The following HSF5 variants were observed in gnomAD, a reference collection of about 807,000 sequenced individuals.
The protein encoded by HSF5 is heat shock factor protein 5.
HSF5 carries 5 observed loss-of-function variants against 50.8 expected under a neutral mutation model. The observed-to-expected ratio is 0.10, with a 90% CI of 0.05 to 0.21. The LOEUF (loss-of-function observed/expected upper bound fraction) is 0.21. HSF5 is among the 10% of genes least tolerant of loss of function. The pLI, the probability that HSF5 is intolerant of heterozygous loss-of-function variation, is 1.00. For missense variants in HSF5, 564 were observed against 762.6 expected, an observed-to-expected ratio of 0.74 and a Z score of 3.07; for synonymous variants, 307 against 307.4, an observed-to-expected ratio of 1.00 and a Z score of 0.02.
rs1975079421 is a variant in HSF5, at chr17:58,480,273, T to G, written c.551-6A>C. 6.3e-7 allele frequency: 1 copy of G among 1,590,158 alleles called. No homozygotes were observed. The highest frequency in any genetic ancestry group is 1.8e-5 in the Admixed American group (1 of 56,322). On this transcript the variant is annotated splice_polypyrimidine_tract_variant and splice_region_variant and intron_variant, in intron 1 of 5. Coordinates refer to ENST00000323777, the MANE Select transcript of HSF5 (RefSeq NM_001080439.3). ...TTGTCCTACAGCCACTGGTCCTACA[T>G]AAAAGAGGAAGAGCACATTTACTAA... is the stretch of plus-strand genomic sequence containing the variant.
chr17:58,436,818 A>G (rs1048095134), intron 5 of HSF5, among the ~76,000 whole-genome samples: 1 of 151,942 alleles, frequency 6.6e-6, no homozygotes, highest in Non-Finnish European at 1.5e-5. Flanking sequence ...CTGGGGAAAG[A>G]GCAGAAAAAA....
chr17:58,479,384 C>A (rs1975069020), intron 2 of HSF5, among the ~76,000 whole-genome samples: 1 of 152,100 alleles, frequency 6.6e-6, no homozygotes, highest in African/African-American at 2.4e-5. Flanking sequence ...CTTACTGCAA[C>A]CTCTGCCTCC....
At chr17:58,460,584 G>A (rs1483784306) in intron 4 of HSF5, among the ~76,000 whole-genome samples, 4 of 149,070 alleles carry the variant, frequency 2.7e-5, no homozygotes, top group East Asian at 2.0e-4. Flanking sequence ...ATCTCAGCTC[G>A]CCACAAGCTC....
In HSF5 at chr17:58,444,676, G is replaced by A. The variant is rs115205245; in HGVS notation, c.1720+14092C>T. On this transcript the variant is annotated intron_variant, in intron 5 of 5. Transcript: ENST00000323777. ...ACTTCACGACACTGGACTTGGCAAT[G>A]CTTTCCTGGATATGACACACAAAGC... 8.1e-3 allele frequency among the ~76,000 whole-genome samples: 1,240 copies of A among 152,250 alleles called. 12 individuals are homozygous for A. Among genetic ancestry groups the A allele is most frequent in the African/African-American group, 0.028 (1,172 of 41,520 alleles).
chr17:58,470,168 A>G (rs1974924218), intron 2 of HSF5, among the ~76,000 whole-genome samples: 1 of 152,218 alleles, frequency 6.6e-6, no homozygotes. Flanking sequence ...AGGTCTTCTG[A>G]GTTTATACCC....
rs1974232219 is a variant in HSF5 at position 58,421,800 on chromosome 17, G to A, written c.*560C>T. 6.6e-6 allele frequency: 1 copy of A among 152,656 alleles called. No homozygotes were observed. Among genetic ancestry groups the A allele is most frequent in the Non-Finnish European group, 1.5e-5 (1 of 68,082 alleles). 9.5% of individuals were successfully genotyped at this position (152,656 alleles called of 1,614,324 possible). ...TTAAAACAGAATGCTGGGTTAGGAAGTAAGAGAATTTCCTGGTTAATCACT... is the reference window on the plus strand; with the variant it reads ...TTAAAACAGAATGCTGGGTTAGGAAATAAGAGAATTTCCTGGTTAATCACT... On this transcript the variant is annotated 3_prime_UTR_variant, in exon 6 of 6. Transcript: ENST00000323777.
intron 5 of HSF5, among the ~76,000 whole-genome samples, chr17:58,425,780 C>A (rs928217691): frequency 6.6e-6 from 1 of 152,090 alleles, no homozygotes; most frequent in Admixed American, 6.5e-5. Flanking sequence ...TAGTAGATAA[C>A]TAGGAGGAAG....
Position 58,425,597 on chromosome 17 carries a change from A to T in HSF5, c.1721-3167T>A, listed in dbSNP as rs1032445729. On this transcript the variant is annotated intron_variant, in intron 5 of 5. Transcript: ENST00000323777. The stretch of plus-strand genomic sequence containing the variant: ...TCTCAAAAAAAAAAAAAAAAAAAAA[A>T]AAAAACAGGTTAAAATGGTAACTTT... Among the ~76,000 whole-genome samples, 3 of 150,948 alleles carry T rather than the reference A, an allele frequency of 2.0e-5. No homozygotes were observed. In the East Asian group the frequency reaches 5.8e-4, roughly 29 times the overall value.
chr17:58,446,789 G>A (rs1226854053), intron 5 of HSF5, among the ~76,000 whole-genome samples: 1 of 147,606 alleles, frequency 6.8e-6, no homozygotes, highest in Non-Finnish European at 1.5e-5. Context: ...CGTCATCCCT[G>A]TCCCAGCTCT....
chr17:58,443,183 A>C (rs1221180410), intron 5 of HSF5, among the ~76,000 whole-genome samples: 2 of 151,846 alleles, frequency 1.3e-5, no homozygotes, highest in Non-Finnish European at 2.9e-5. Context: ...TAATTTTTGT[A>C]TTTTTTAGTA....
intron 2 of HSF5, 78 bp downstream of exon 2, chr17:58,479,815 A>C: frequency 7.9e-7 from 1 of 1,268,920 alleles, no homozygotes; most frequent in Non-Finnish European, 1.1e-6. Flanking sequence ...CATAGACATT[A>C]AAATGCATTT....
intron 5 of HSF5, among the ~76,000 whole-genome samples, chr17:58,425,575 CAAAAAAAAAAAAA>C (rs66502039): frequency 3.0e-5 from 1 of 32,990 alleles, no homozygotes; most frequent in Admixed American, 5.2e-4. Flanking sequence ...ACCTCTATCT[CAAAAAAAAAAAAA>C]AAAAAAAAAA....
chr17:58,459,063 G>C (rs1200676574), intron 4 of HSF5, 118 bp from the exon 5 acceptor site: 15 of 859,288 alleles, frequency 1.7e-5, no homozygotes, highest in Admixed American at 4.9e-5. Context: ...AGCTTATAAG[G>C]CTTTTCATTC....
At chr17:58,461,883 T>G (rs1974799943) in intron 4 of HSF5, among the ~76,000 whole-genome samples, 1 of 152,096 alleles carries the variant, frequency 6.6e-6, no homozygotes, top group South Asian at 2.1e-4. Flanking sequence ...AAAAAAAATT[T>G]CTTTTTAATT....
chr17:58,487,599 A>G (rs554423594), intron 1 of HSF5, 126 bp downstream of exon 1: 3 of 1,284,768 alleles, frequency 2.3e-6, no homozygotes, highest in African/African-American at 3.1e-5. Context: ...ACAGCGGCCA[A>G]TGGGTCCCCG....
intron 5 of HSF5, among the ~76,000 whole-genome samples, chr17:58,434,794 A>G (rs1974405831): frequency 6.6e-6 from 1 of 152,214 alleles, no homozygotes; most frequent in Non-Finnish European, 1.5e-5. Context: ...TCGAGGTTGC[A>G]GTGAGCTGTA....
chr17:58,462,896 C>A lies in HSF5; in HGVS notation c.1428G>T (p.Gln476His), dbSNP rs760693267. 6.2e-7 allele frequency: 1 copy of A among 1,614,104 alleles called. No homozygotes were observed. Among genetic ancestry groups the A allele is most frequent in the South Asian group, 1.1e-5 (1 of 91,086 alleles). ...TAQPVENSTI[Q>H]ESAAIQQAHV... is the part of the protein sequence containing the mutation. ...GAGCTTGCTGGATGGCTGCAGATTC[C>A]TGTATTGTGCTATTTTCAACAGGCT... Residue 476 changes from glutamine to histidine, a missense_variant, in exon 4 of 6, where the codon CAG becomes CAT. Physicochemically the swap from Gln to His is conservative, Grantham distance 24 (BLOSUM62 0). Around this residue, in one of 5 missense-constraint regions of HSF5, gnomAD observed 441 missense variants for 533.6 expected, o/e 0.83. Transcript: ENST00000323777.
chr17:58,463,548 T>A (rs1598195325), intron 3 of HSF5, among the ~76,000 whole-genome samples: 1 of 152,344 alleles, frequency 6.6e-6, no homozygotes, highest in African/African-American at 2.4e-5. Flanking sequence ...TCAATAATTC[T>A]TAAGGTTAAA....
chr17:58,476,616 T>C (rs908965289), intron 2 of HSF5: 29 of 1,542,642 alleles, frequency 1.9e-5, no homozygotes, highest in African/African-American at 5.4e-5. Context: ...ATTCTGTCAC[T>C]TCAACTCTGG....
Sources: gnomAD v4.1 joint callset for allele counts (sites outside exome capture counted in the v4.1 genomes callset) on GRCh38, gnomAD v4.1.1 for gene constraint, gnomAD v4.1.1 regional missense constraint, MANE v1.5 for transcripts, NCBI Gene and HGNC (gene_info 2026-07-23, HGNC 2026-07-21) for gene names.